Variants in PLXDC2 observed in about 807,000 individuals in gnomAD.
PLXDC2 encodes plexin domain-containing protein 2.
In PLXDC2, 40 loss-of-function variants were observed where a neutral mutation model predicts 68.9. That is an observed-to-expected ratio of 0.58 (90% CI 0.45 to 0.76). PLXDC2 has a LOEUF of 0.76. Ranked by LOEUF, PLXDC2 falls within the 30% of genes least tolerant of loss-of-function variation. PLXDC2 has a pLI of 0.00. For missense variants in PLXDC2, 644 were observed against 661.9 expected (o/e 0.97, Z 0.30); for synonymous variants, 243 against 234.2 (o/e 1.04, Z -0.34).
chr10:20,122,524 G>T (rs558890098), intron 4 of PLXDC2, among the ~76,000 whole-genome samples: 5 of 152,198 alleles, frequency 3.3e-5, no homozygotes, highest in Non-Finnish European at 7.3e-5. Flanking sequence ...TGGACAGTCC[G>T]ATTTCCAGTG....
intron 4 of PLXDC2, among the ~76,000 whole-genome samples, chr10:20,125,012 G>A (rs566342149): frequency 6.6e-6 from 1 of 152,304 alleles, no homozygotes; most frequent in Admixed American, 6.5e-5. Context: ...ACAACTTGTA[G>A]TTTCTTAATT....
At chr10:19,950,566 C>T (rs1575869) in intron 1 of PLXDC2, among the ~76,000 whole-genome samples, 127,071 of 152,176 alleles carry the variant, frequency 0.84, 53,233 homozygotes, top group East Asian at 0.95. Flanking sequence ...ATAGTATTTT[C>T]AAATACTGCC....
At chr10:19,884,712 A>G (rs1353527728) in intron 1 of PLXDC2, among the ~76,000 whole-genome samples, 3 of 152,126 alleles carry the variant, frequency 2.0e-5, no homozygotes, top group South Asian at 2.1e-4. Flanking sequence ...ATAGTATTCC[A>G]TGGTGTATAT....
chr10:19,957,233 C>T (rs565517077), intron 1 of PLXDC2, among the ~76,000 whole-genome samples: 1 of 152,062 alleles, frequency 6.6e-6, no homozygotes, highest in African/African-American at 2.4e-5. Context: ...AGAGAGTATA[C>T]TATTGATGTG....
chr10:19,911,154 C>G (rs953062465), intron 1 of PLXDC2, among the ~76,000 whole-genome samples: 1 of 151,796 alleles, frequency 6.6e-6, no homozygotes, highest in African/African-American at 2.4e-5. Context: ...TTCCTTGATC[C>G]AAGACCATAT....
intron 2 of PLXDC2, among the ~76,000 whole-genome samples, chr10:20,011,456 G>GA (rs1322294066): frequency 1.3e-5 from 2 of 152,166 alleles, no homozygotes; most frequent in African/African-American, 4.8e-5. Context: ...AGCAAAGTGT[G>GA]AAAAACGTCA....
At chr10:20,162,184 GGAAA>G (rs1409358515) in intron 6 of PLXDC2, among the ~76,000 whole-genome samples, 1 of 150,226 alleles carries the variant, frequency 6.7e-6, no homozygotes, top group Non-Finnish European at 1.5e-5. Flanking sequence ...AAGGAAAGAA[GGAAA>G]GAAAGAAAAG....
At chr10:20,195,123 AT>A (rs1322615378) in intron 9 of PLXDC2, among the ~76,000 whole-genome samples, 1 of 152,224 alleles carries the variant, frequency 6.6e-6, no homozygotes, top group African/African-American at 2.4e-5. Flanking sequence ...CAGGAGGAAC[AT>A]TTTTGAAAAA....
At chr10:20,099,206 A>G (rs974969516) in intron 4 of PLXDC2, among the ~76,000 whole-genome samples, 5 of 152,218 alleles carry the variant, frequency 3.3e-5, no homozygotes, top group Non-Finnish European at 7.3e-5. Context: ...TTTGGAAAAT[A>G]CTGAAGAGCA....
intron 1 of PLXDC2, among the ~76,000 whole-genome samples, chr10:19,838,923 T>G (rs1490706056): frequency 6.6e-6 from 1 of 152,084 alleles, no homozygotes; most frequent in Non-Finnish European, 1.5e-5. Flanking sequence ...TGGTGGCTCA[T>G]GCCTATAATT....
chr10:20,162,059 AGAGAGAGAGAGAGAAGGAAGGAAG>A lies in PLXDC2; in HGVS notation c.784-2406_784-2383del, dbSNP rs1250774700. Among the ~76,000 whole-genome samples, 123 of 122,686 alleles carry A rather than the reference AGAGAGAGAGAGAGAAGGAAGGAAG, an allele frequency of 1.0e-3. 2 individuals carry two copies. In the South Asian group the frequency reaches 0.012, roughly 12 times the overall value. 80.5% of individuals were successfully genotyped at this position (122,686 alleles called of 152,430 possible). On this transcript the variant is annotated intron_variant, in intron 6 of 13. Coordinates refer to ENST00000377252, the MANE Select transcript of PLXDC2 (RefSeq NM_032812.9). ...AAGAAAGAAAGAGAGAGAGAGAGAGAGAGAGAGAGAGAGAAGGAAGGAAGGAAGGAAGGAAGGAAGGAAGGAAGG... is the reference window on the plus strand; with the variant it reads ...AAGAAAGAAAGAGAGAGAGAGAGAGAGAAGGAAGGAAGGAAGGAAGGAAGG...
intron 3 of PLXDC2, among the ~76,000 whole-genome samples, chr10:20,065,229 G>T (rs1191807679): frequency 6.6e-6 from 1 of 152,142 alleles, no homozygotes. Flanking sequence ...AAGAGCTAAG[G>T]GTAGCAAGTG....
chr10:20,116,491 AT>A (rs375626460), intron 4 of PLXDC2, among the ~76,000 whole-genome samples: 29 of 149,020 alleles, frequency 1.9e-4, no homozygotes, highest in Middle Eastern at 3.5e-3. Flanking sequence ...TTAATAAGCC[AT>A]TTTTTTTTTG....
chr10:19,915,862 A>AAAG (rs71507296), intron 1 of PLXDC2, among the ~76,000 whole-genome samples: 37,551 of 149,984 alleles, frequency 0.25, 5,260 homozygotes, highest in Middle Eastern at 0.38. Context: ...AACCAAAAAA[A>AAAG]AAGAAGAAGA....
chr10:19,952,154 G>C (rs922743081), intron 1 of PLXDC2, among the ~76,000 whole-genome samples: 2 of 151,924 alleles, frequency 1.3e-5, no homozygotes, highest in African/African-American at 4.8e-5. Context: ...ATAAAAGTTG[G>C]AATTATTTTA....
At chr10:20,049,998 G>T (rs1214105921) in intron 3 of PLXDC2, among the ~76,000 whole-genome samples, 1 of 152,034 alleles carries the variant, frequency 6.6e-6, no homozygotes, top group Non-Finnish European at 1.5e-5. Flanking sequence ...GCATGTTACT[G>T]GTACAAAAAC....
chr10:19,926,584 T>A (rs536759863), intron 1 of PLXDC2, among the ~76,000 whole-genome samples: 2 of 152,040 alleles, frequency 1.3e-5, no homozygotes, highest in East Asian at 3.9e-4. Flanking sequence ...GAAAAAAAAA[T>A]GGCCAAATGC....
chr10:20,164,335 T>C (rs1207118242), intron 6 of PLXDC2, 133 bp from the exon 7 acceptor site: 2 of 716,782 alleles, frequency 2.8e-6, no homozygotes, highest in South Asian at 1.8e-5. Flanking sequence ...TCTTTTCTAA[T>C]ACCTTTGACT....
At chr10:20,138,881 C>G (rs920253993) in intron 4 of PLXDC2, among the ~76,000 whole-genome samples, 1 of 151,878 alleles carries the variant, frequency 6.6e-6, no homozygotes, top group African/African-American at 2.4e-5. Context: ...CCACTACACT[C>G]CAGCCTGGGT....
Sources: gnomAD v4.1 joint callset for allele counts (sites outside exome capture counted in the v4.1 genomes callset) on GRCh38, gnomAD v4.1.1 for gene constraint, MANE v1.5 for transcripts, NCBI Gene and HGNC (gene_info 2026-07-23, HGNC 2026-07-21) for gene names.